ADGRL2: variants seen among roughly 807,000 people sequenced by gnomAD.
ADGRL2 encodes the protein calcium-independent alpha-latrotoxin receptor 2.
Under a neutral mutation model 157.4 loss-of-function variants are expected in ADGRL2, and 44 were observed. That is an observed-to-expected ratio of 0.28 (90% CI 0.22 to 0.36). The LOEUF (loss-of-function observed/expected upper bound fraction) is 0.36, where lower values mean the gene tolerates loss of function less well. Among genes scored for constraint, ADGRL2 ranks in the 10% least tolerant of loss-of-function variants. ADGRL2 has a pLI of 1.00. For missense variants in ADGRL2, 1,510 were observed against 1,768.9 expected (o/e 0.85, Z 2.63); for synonymous variants, 585 against 624.7 (o/e 0.94, Z 0.95).
chr1:81,554,374 A>G (rs1349592541), intron 2 of ADGRL2, among the ~76,000 whole-genome samples: 2 of 152,122 alleles, frequency 1.3e-5, no homozygotes, highest in East Asian at 1.9e-4. Context: ...TATGAAATAC[A>G]TGAGGTTCCC....
chr1:81,306,542 A>C (rs1180505794), intron 1 of ADGRL2: 1 of 152,136 alleles, frequency 6.6e-6, no homozygotes, highest in Non-Finnish European at 1.5e-5. Flanking sequence ...AGACGTGTGT[A>C]ATGCCTCCAC....
chr1:81,658,880 T>A (rs997595915), intron 3 of ADGRL2, among the ~76,000 whole-genome samples: 3 of 151,538 alleles, frequency 2.0e-5, no homozygotes, highest in African/African-American at 7.3e-5. Flanking sequence ...GCCTCCTGAG[T>A]AGCTGGGATT....
chr1:81,782,370 G>A (rs1330113641), intron 2 of ADGRL2, among the ~76,000 whole-genome samples: 1 of 152,124 alleles, frequency 6.6e-6, no homozygotes, highest in African/African-American at 2.4e-5. Context: ...TATTTTATCA[G>A]TATAATATAT....
intron 3 of ADGRL2, among the ~76,000 whole-genome samples, chr1:81,636,975 A>C (rs566006746): frequency 2.0e-5 from 3 of 152,254 alleles, no homozygotes; most frequent in Middle Eastern, 3.4e-3. Flanking sequence ...AGCTGGGATT[A>C]TAGGCACATG....
chr1:81,588,453 GATAA>G (rs2081069552), intron 3 of ADGRL2: 1 of 152,122 alleles, frequency 6.6e-6, no homozygotes, highest in Non-Finnish European at 1.5e-5. Context: ...TCCTGTATAA[GATAA>G]AGATGAGTAA....
chr1:81,795,677 A>G (rs1484712778), upstream of ADGRL2, among the ~76,000 whole-genome samples: 2 of 152,182 alleles, frequency 1.3e-5, no homozygotes, highest in Non-Finnish European at 2.9e-5. Context: ...GAATAATCAA[A>G]GTCATATTCG....
intron 2 of ADGRL2, among the ~76,000 whole-genome samples, chr1:81,449,167 T>G (rs930205542): frequency 3.3e-5 from 5 of 151,936 alleles, no homozygotes; most frequent in Admixed American, 3.3e-4. Flanking sequence ...TTATCCAGGG[T>G]CTGTGTAATA....
In ADGRL2 at chr1:81,534,553, T is replaced by C. The variant is rs568396301; in HGVS notation, c.-247-46323T>C. 1.6e-3 allele frequency among the ~76,000 whole-genome samples: 249 copies of C among 152,244 alleles called. 2 individuals carry two copies. Among genetic ancestry groups the C allele is most frequent in the Non-Finnish European group, 2.0e-3 (139 of 68,036 alleles). On this transcript the variant is annotated intron_variant, in intron 2 of 24. Transcript: ENST00000370721. ...CTCACACATGTTATCTGATATGAGC[T>C]ACACAATAACTTTGAGCCAAGACAA...
intron 2 of ADGRL2, among the ~76,000 whole-genome samples, chr1:81,887,145 A>G (rs982643172): frequency 6.6e-6 from 1 of 152,228 alleles, no homozygotes; most frequent in Admixed American, 6.5e-5. Context: ...TGCTTTGGTG[A>G]GAAGAGAGCT....
At chr1:81,558,551 A>T (rs1043979168) in intron 2 of ADGRL2, among the ~76,000 whole-genome samples, 2 of 151,986 alleles carry the variant, frequency 1.3e-5, no homozygotes, top group East Asian at 3.9e-4. Flanking sequence ...GAGTGCAGAC[A>T]TTCCTTCATA....
chr1:81,555,895 C>G (rs2080263432), intron 2 of ADGRL2, among the ~76,000 whole-genome samples: 1 of 152,136 alleles, frequency 6.6e-6, no homozygotes, highest in African/African-American at 2.4e-5. Context: ...CTTATGCCCC[C>G]ATTGTCATGC....
At chr1:81,822,412 A>ATT (rs953504349) in intron 1 of ADGRL2, among the ~76,000 whole-genome samples, 1 of 151,558 alleles carries the variant, frequency 6.6e-6, no homozygotes, top group African/African-American at 2.4e-5. Context: ...TAATTTTTAT[A>ATT]TTTTAATATT....
intron 1 of ADGRL2, among the ~76,000 whole-genome samples, chr1:81,372,707 A>G (rs1294040537): frequency 6.6e-6 from 1 of 152,184 alleles, no homozygotes; most frequent in African/African-American, 2.4e-5. Flanking sequence ...TGTTAAAATA[A>G]TGTACATAAC....
intron 3 of ADGRL2, among the ~76,000 whole-genome samples, chr1:81,614,763 G>A (rs985468123): frequency 6.6e-6 from 1 of 151,830 alleles, no homozygotes; most frequent in African/African-American, 2.4e-5. Flanking sequence ...AGTAGCTCAC[G>A]CTTGTAATCC....
intron 2 of ADGRL2, among the ~76,000 whole-genome samples, chr1:81,461,071 G>T (rs2077917831): frequency 6.6e-6 from 1 of 152,172 alleles, no homozygotes. Context: ...CAGGGTAAGG[G>T]AAAGAGCTGC....
At chr1:81,416,253 TC>T (rs1435952430) in intron 1 of ADGRL2, among the ~76,000 whole-genome samples, 1 of 151,034 alleles carries the variant, frequency 6.6e-6, no homozygotes, top group Non-Finnish European at 1.5e-5. Context: ...AATATATTTA[TC>T]CCCCATATTT....
intron 2 of ADGRL2, among the ~76,000 whole-genome samples, chr1:81,571,755 A>G (rs2080698077): frequency 1.3e-5 from 2 of 152,166 alleles, no homozygotes; most frequent in South Asian, 4.1e-4. Context: ...AAATTTTGAT[A>G]ATTCTTAATT....
At chr1:81,565,851 AAAAC>A (rs2080547880) in intron 2 of ADGRL2, among the ~76,000 whole-genome samples, 1 of 152,202 alleles carries the variant, frequency 6.6e-6, no homozygotes, top group Non-Finnish European at 1.5e-5. Context: ...TAGGTACACT[AAAAC>A]AATCTATAAG....
intron 2 of ADGRL2, chr1:81,502,139 A>G (rs2078866473): frequency 3.1e-6 from 5 of 1,597,730 alleles, no homozygotes; most frequent in South Asian, 1.1e-5. Context: ...GGCTGCTTCA[A>G]AATATTTTCA....
Sources: gnomAD v4.1 joint callset for allele counts (sites outside exome capture counted in the v4.1 genomes callset) on GRCh38, gnomAD v4.1.1 for gene constraint, MANE v1.5 for transcripts, NCBI Gene and HGNC (gene_info 2026-07-23, HGNC 2026-07-21) for gene names.